The following DBNDD2 variants were observed in gnomAD, a reference collection of about 807,000 sequenced individuals.
The protein encoded by DBNDD2 is dysbindin domain containing 2.
A neutral mutation model predicts 14.0 loss-of-function variants in DBNDD2; 8 were observed. The ratio of observed to expected loss-of-function variants is 0.57; its 90% CI spans 0.33 to 1.03. The LOEUF (loss-of-function observed/expected upper bound fraction) is 1.03. DBNDD2 is among the 50% of genes least tolerant of loss of function. DBNDD2 has a pLI of 0.03. For synonymous variants in DBNDD2, 94 were observed against 85.3 expected (o/e 1.10, Z -0.56); for missense variants, 194 against 206.0 (o/e 0.94, Z 0.36).
chr20:45,409,963 G>C lies in DBNDD2; in HGVS notation c.309G>C (p.Leu103=), dbSNP rs370188558. 9.7e-6 allele frequency: 15 copies of C among 1,551,790 alleles called. No individual in the cohort carries two copies. Among genetic ancestry groups the C allele is most frequent in the Non-Finnish European group, 1.3e-5 (15 of 1,147,016 alleles). Residue 103 remains leucine (L), a synonymous_variant, in exon 3 of 3, where the codon CTG becomes CTC. Coordinates refer to ENST00000372710, the MANE Select transcript of DBNDD2 (RefSeq NM_001048225.4). Reference sequence around the variant, plus strand: ...ACAACCATTTGGAGGAGCTGAGCCTGCCGGTGCCTACATCAGACAGGACCA... The same window carrying C: ...ACAACCATTTGGAGGAGCTGAGCCTCCCGGTGCCTACATCAGACAGGACCA... ...GMDNHLEELS[L]PVPTSDRTTS...
At chr20:45,406,798 G>T (rs965423631), upstream of DBNDD2, 7 of 1,246,318 alleles carry the variant, frequency 5.6e-6, no homozygotes, top group Non-Finnish European at 7.0e-6. Context: ...GGAGCACGAG[G>T]GGAACGGCCT....
At chr20:45,409,448 G>A (rs1989710801) in intron 2 of DBNDD2, among the ~76,000 whole-genome samples, 1 of 152,122 alleles carries the variant, frequency 6.6e-6, no homozygotes, top group Non-Finnish European at 1.5e-5. Flanking sequence ...TAGATAAACT[G>A]GAATTCATGT....
chr20:45,408,691 C>T, intron 1 of DBNDD2, 85 bp downstream of exon 1: 3 of 1,579,090 alleles, frequency 1.9e-6, no homozygotes, highest in Non-Finnish European at 2.6e-6. Context: ...ACTCTCTCCC[C>T]TCTGGTTTTC....
In DBNDD2 at chr20:45,408,306, A is replaced by G; in HGVS notation, c.-162A>G. On this transcript the variant is annotated 5_prime_UTR_variant, in exon 1 of 3. Transcript: ENST00000372710. ...TGTGGGACACACTTGGTTTCAGGGAAGGGGAAAGAGGTCACCAAGGGCAGA... is the reference window on the plus strand; with the variant it reads ...TGTGGGACACACTTGGTTTCAGGGAGGGGGAAAGAGGTCACCAAGGGCAGA... 6.4e-7 allele frequency: 1 copy of G among 1,573,782 alleles called. No individual in the cohort carries two copies. The highest frequency in any genetic ancestry group is 8.6e-7 in the Non-Finnish European group (1 of 1,159,294).
chr20:45,409,945 T>G lies in DBNDD2; in HGVS notation c.291T>G (p.His97Gln). The G allele has an allele frequency of 6.4e-7, 1 of 1,551,666 alleles. No homozygotes were observed. Among genetic ancestry groups the G allele is most frequent in the African/African-American group, 1.4e-5 (1 of 73,142 alleles). The change falls in exon 3 of 3, where the codon CAT becomes CAG. Residue 97 changes from histidine (H) to glutamine (Q), a missense_variant. By Grantham distance (24) the His-to-Gln change is conservative. Transcript: ENST00000372710. ...CTCTCTGGGCAGGGATGGACAACCA[T>G]TTGGAGGAGCTGAGCCTGCCGGTGC... is the stretch of plus-strand genomic sequence containing the variant. ...PTPQSSGMDN[H>Q]LEELSLPVPT...
rs779156420 is a variant in DBNDD2, at chr20:45,408,895, G to T, written c.234G>T (p.Val78=). 6.2e-7 allele frequency: 1 copy of T among 1,614,204 alleles called. No individual in the cohort carries two copies. Reference sequence around the variant, plus strand: ...TTGGGGACCCGGATGCAGCAGATGTGTTCTTGCCTTGCGAAGATCCTCCAC... The same window carrying T: ...TTGGGGACCCGGATGCAGCAGATGTTTTCTTGCCTTGCGAAGATCCTCCAC... The part of the protein sequence containing the change: ...IDLGDPDAAD[V]FLPCEDPPPT... The change falls in exon 2 of 3, where the codon GTG becomes GTT. Residue 78 remains valine, a synonymous_variant. Coordinates refer to ENST00000372710, the MANE Select transcript of DBNDD2 (RefSeq NM_001048225.4).
At chr20:45,406,878 G>C (rs1228910261), upstream of DBNDD2, 1 of 1,119,608 alleles carries the variant, frequency 8.9e-7, no homozygotes, top group Non-Finnish European at 1.1e-6. Context: ...TTTCCCTCTT[G>C]CTGGCTCCAG....
In DBNDD2 at chr20:45,408,394, G is replaced by A; in HGVS notation, c.-74G>A. On this transcript the variant is annotated 5_prime_UTR_variant, in exon 1 of 3. Coordinates refer to ENST00000372710, the MANE Select transcript of DBNDD2 (RefSeq NM_001048225.4). ...TGCTGGCTGCAGTGGGGCGCCCCAAGCCCAGGTCCCCTCTGTCTTCTCTTT... is the reference window on the plus strand; with the variant it reads ...TGCTGGCTGCAGTGGGGCGCCCCAAACCCAGGTCCCCTCTGTCTTCTCTTT... 6.2e-7 allele frequency: 1 copy of A among 1,613,814 alleles called. No homozygotes were observed. Among genetic ancestry groups the A allele is most frequent in the Non-Finnish European group, 8.5e-7 (1 of 1,180,010 alleles).
upstream of DBNDD2, chr20:45,407,983 G>A: frequency 7.1e-7 from 1 of 1,411,666 alleles, no homozygotes; most frequent in Non-Finnish European, 9.2e-7. Flanking sequence ...TCTGGGTTTT[G>A]AAGGATGGGA....
upstream of DBNDD2, chr20:45,406,524 C>T (rs965702075): frequency 2.0e-6 from 3 of 1,521,794 alleles, no homozygotes; most frequent in South Asian, 2.4e-5. Context: ...CTCCGACCGC[C>T]GGGCGAGCTG....
upstream of DBNDD2, among the ~76,000 whole-genome samples, chr20:45,407,041 C>T (rs1005664279): frequency 3.0e-4 from 45 of 152,314 alleles, no homozygotes; most frequent in African/African-American, 9.9e-4. Context: ...GCTCCGCGGC[C>T]CCCCGGGGGA....
chr20:45,408,877 C>T lies in DBNDD2; in HGVS notation c.216C>T (p.Asp72=). ...AAGTAGAACTTATTGACCTTGGGGA[C>T]CCGGATGCAGCAGATGTGTTCTTGC... The part of the protein sequence containing the change: ...LEQVELIDLG[D]PDAADVFLPC... The change falls in exon 2 of 3, where the codon GAC becomes GAT. Residue 72 remains aspartate, a synonymous_variant. Coordinates refer to ENST00000372710, the MANE Select transcript of DBNDD2 (RefSeq NM_001048225.4). The T allele has an allele frequency of 6.2e-7, 1 of 1,614,202 alleles. No homozygotes were observed. Among genetic ancestry groups the T allele is most frequent in the South Asian group, 1.1e-5 (1 of 91,090 alleles).
upstream of DBNDD2, chr20:45,407,688 G>C (rs1258324096): frequency 1.0e-6 from 1 of 992,746 alleles, no homozygotes; most frequent in Non-Finnish European, 1.2e-6. Flanking sequence ...GTCCCAGGAG[G>C]GGGACGCATA....
upstream of DBNDD2, chr20:45,408,240 T>G (rs990903749): frequency 6.4e-7 from 1 of 1,551,170 alleles, no homozygotes. Context: ...ATCCCCTTTG[T>G]GGAGCTTAGG....
chr20:45,409,826 G>C, intron 2 of DBNDD2, 106 bp from the exon 3 acceptor site: 1 of 1,211,214 alleles, frequency 8.3e-7, no homozygotes, highest in Non-Finnish European at 1.2e-6. Flanking sequence ...AGTCACTTTG[G>C]ACAAGTCTCT....
chr20:45,406,378 C>T (rs559010014), upstream of DBNDD2: 46 of 1,374,076 alleles, frequency 3.3e-5, no homozygotes, highest in Non-Finnish European at 4.3e-5. Context: ...TGCATCCGAG[C>T]GAGCGGAGAC....
In DBNDD2 at chr20:45,408,610, A is replaced by G; in HGVS notation, c.139+4A>G. The G allele has an allele frequency of 3.1e-6, 5 of 1,611,650 alleles. No individual in the cohort carries two copies. The highest frequency in any genetic ancestry group is 3.4e-6 in the Non-Finnish European group (4 of 1,178,064). On this transcript the variant is annotated splice_donor_region_variant and intron_variant, in intron 1 of 2. Transcript: ENST00000372710. ...CTGCATCTCGAGTCGCAGAGACGTA[A>G]GTCCCAAGTCCTGAGAAGAGGGACT...
chr20:45,408,663 G>A (rs1029868428), intron 1 of DBNDD2, 57 bp downstream of exon 1: 1 of 1,592,152 alleles, frequency 6.3e-7, no homozygotes, highest in Non-Finnish European at 8.6e-7. Context: ...ATGTCCTGTG[G>A]GTCCTGAATC....
At position 45,410,010 on chromosome 20, in the gene DBNDD2, CCTCCTCCGA is replaced by C. The variant is rs760961546; in HGVS notation, c.364_372del (p.Asp122_Ser124del). On this transcript the variant is annotated inframe_deletion, in exon 3 of 3. Coordinates refer to ENST00000372710, the MANE Select transcript of DBNDD2 (RefSeq NM_001048225.4). ...ACCACATCTAGGACCTCCTCCTCCT[CCTCCTCCGA>C]CTCCTCCACCAACCTGCATAGCCCA... 59 of 1,551,944 alleles carry C rather than the reference CCTCCTCCGA, an allele frequency of 3.8e-5. No individual in the cohort carries two copies. In the South Asian group the frequency reaches 6.1e-4, roughly 16 times the overall value.
Sources: gnomAD v4.1 joint callset for allele counts (sites outside exome capture counted in the v4.1 genomes callset) on GRCh38, gnomAD v4.1.1 for gene constraint, MANE v1.5 for transcripts, NCBI Gene and HGNC (gene_info 2026-07-23, HGNC 2026-07-21) for gene names.